The following MCPH1 variants were observed in gnomAD, a reference collection of about 807,000 sequenced individuals.
MCPH1 encodes microcephalin.
A neutral mutation model predicts 84.5 loss-of-function variants in MCPH1; 104 were observed. The observed-to-expected ratio is 1.23, with a 90% CI of 1.05 to 1.45. MCPH1 has a LOEUF of 1.45. MCPH1 is among the 40% of genes most tolerant of loss of function. The pLI, the probability that MCPH1 is intolerant of heterozygous loss-of-function variation, is 0.00. For synonymous variants in MCPH1, 514 were observed against 366.8 expected (o/e 1.40, Z -4.58); for missense variants, 1,498 against 1,005.7 (o/e 1.49, Z -6.62).
chr8:6,438,873 G>A, intron 5 of MCPH1, 80 bp from the exon 6 acceptor site: 3 of 1,336,728 alleles, frequency 2.2e-6, no homozygotes, highest in Non-Finnish European at 3.2e-6. Context: ...GGTGTGGGGG[G>A]TTGTTCTTTA....
At chr8:6,510,090 G>A (rs1814700215) in intron 12 of MCPH1, among the ~76,000 whole-genome samples, 1 of 151,972 alleles carries the variant, frequency 6.6e-6, no homozygotes, top group African/African-American at 2.4e-5. Context: ...GGCTTACATC[G>A]GTCATCTGTG....
Position 6,499,646 on chromosome 8 carries a change from G to C in MCPH1, c.2137-206G>C, listed in dbSNP as rs796850818. The C allele has an allele frequency of 2.8e-5, 15 of 529,006 alleles. No individual in the cohort carries two copies. The African/African-American group carries it at 2.8e-4, about 10-fold the overall frequency. The allele number at this position is 529,006 out of a possible 1,614,324, so 32.8% of individuals were successfully genotyped here. A position where few individuals can be genotyped will look rare whatever the true frequency, so the allele number is the denominator to read the frequency against. ...AATGACTCAGATTTCTTGTTATCGT[G>C]AGACTTTTTCTCAATCAACTTTTTA... On this transcript the variant is annotated intron_variant, in intron 11 of 13. Transcript: ENST00000344683.
intron 12 of MCPH1, among the ~76,000 whole-genome samples, chr8:6,613,857 G>A (rs535705747): frequency 1.3e-5 from 2 of 152,266 alleles, no homozygotes; most frequent in South Asian, 2.1e-4. Context: ...GCTTTTGATC[G>A]CCAAGGGAGA....
At chr8:6,541,290 C>G (rs1821513577) in intron 12 of MCPH1, among the ~76,000 whole-genome samples, 1 of 152,160 alleles carries the variant, frequency 6.6e-6, no homozygotes, top group Non-Finnish European at 1.5e-5. Context: ...AGTCAGTGCC[C>G]ACCCCAAGTC....
rs1053697468 is a variant in MCPH1, at chr8:6,625,325, T to G, written c.2452+3634T>G. On this transcript the variant is annotated intron_variant, in intron 13 of 13. Transcript: ENST00000344683. Reference sequence around the variant, plus strand: ...GCGTAGGCTTCTTAAGTGTGGCAGATTGACGGTATCCATGGATGTGTCCTC... The same window carrying G: ...GCGTAGGCTTCTTAAGTGTGGCAGAGTGACGGTATCCATGGATGTGTCCTC... The G allele has an allele frequency of 3.0e-6, 3 of 985,368 alleles. No homozygotes were observed. In the African/African-American group the frequency reaches 5.2e-5, roughly 17 times the overall value. 61.0% of individuals were successfully genotyped at this position (985,368 alleles called of 1,614,324 possible). A position where few individuals can be genotyped will look rare whatever the true frequency, so the allele number is the denominator to read the frequency against.
At chr8:6,407,421 C>G (rs1391430775) in intron 1 of MCPH1, among the ~76,000 whole-genome samples, 1 of 152,130 alleles carries the variant, frequency 6.6e-6, no homozygotes, top group Non-Finnish European at 1.5e-5. Flanking sequence ...CTAGTCAGTG[C>G]TGACAGGGCC....
rs369120387 is a variant in MCPH1, at chr8:6,445,532, G to C, written c.1810G>C (p.Gly604Arg). 5 of 1,603,498 alleles carry C rather than the reference G, an allele frequency of 3.1e-6. No individual in the cohort carries two copies. Among genetic ancestry groups the C allele is most frequent in the Middle Eastern group, 1.7e-4 (1 of 5,994 alleles). The part of the protein sequence containing the change: ...TSTEEKENLP[G>R]GYSGSVKNRP... Reference sequence around the variant, plus strand: ...TACAGAAGAGAAGGAAAACTTACCCGGAGGATACAGTGGAAGTATGTGAAT... The same window carrying C: ...TACAGAAGAGAAGGAAAACTTACCCCGAGGATACAGTGGAAGTATGTGAAT... The change falls in exon 8 of 14, where the codon GGA becomes CGA. Residue 604 changes from glycine (G) to arginine (R), a missense_variant. Coordinates refer to ENST00000344683, the MANE Select transcript of MCPH1 (RefSeq NM_024596.5).
chr8:6,596,858 A>G (rs1444911257), intron 12 of MCPH1, among the ~76,000 whole-genome samples: 1 of 152,252 alleles, frequency 6.6e-6, no homozygotes, highest in African/African-American at 2.4e-5. Context: ...ACCATGAAAT[A>G]GCTAAGAACC....
intron 12 of MCPH1, among the ~76,000 whole-genome samples, chr8:6,561,973 C>G (rs1418166567): frequency 2.0e-5 from 3 of 152,140 alleles, no homozygotes; most frequent in African/African-American, 7.2e-5. Context: ...GCATTCCGCA[C>G]CGGTTGCTGG....
intron 13 of MCPH1, among the ~76,000 whole-genome samples, chr8:6,633,890 A>G (rs186808233): frequency 8.7e-4 from 133 of 152,312 alleles, no homozygotes; most frequent in Non-Finnish European, 1.7e-3. Flanking sequence ...TGATCAGAAA[A>G]AGAGGAATAA....
In MCPH1 at chr8:6,444,676, T is replaced by C. The variant is rs770723949; in HGVS notation, c.954T>C (p.Ala318=). Residue 318 remains alanine, a synonymous_variant, in exon 8 of 14, where the codon GCT becomes GCC. Transcript: ENST00000344683. Reference sequence around the variant, plus strand: ...TAGTCACCCCTGACCAAAAGCAGGCTGCAGGTATGTCTCAGGAGACGTTTG... The same window carrying C: ...TAGTCACCCCTGACCAAAAGCAGGCCGCAGGTATGTCTCAGGAGACGTTTG... ...GKVVTPDQKQ[A]AGMSQETFEE... is the part of the protein sequence containing the mutation. The C allele has an allele frequency of 1.9e-6, 3 of 1,613,982 alleles. No individual in the cohort carries two copies. The highest frequency in any genetic ancestry group is 2.7e-5 in the African/African-American group (2 of 74,942).
chr8:6,533,553 A>G (rs1819927802), intron 12 of MCPH1, among the ~76,000 whole-genome samples: 1 of 140,522 alleles, frequency 7.1e-6, no homozygotes, highest in African/African-American at 2.6e-5. Context: ...AACTCCAGAT[A>G]CTTAGCGTTT....
At chr8:6,642,060 G>C (rs1318818117) in intron 13 of MCPH1, among the ~76,000 whole-genome samples, 1 of 152,074 alleles carries the variant, frequency 6.6e-6, no homozygotes, top group East Asian at 1.9e-4. Context: ...AATATTTGTA[G>C]ATTAAACCCA....
Position 6,444,942 on chromosome 8 carries a change from G to A in MCPH1, c.1220G>A (p.Cys407Tyr), listed in dbSNP as rs748241298. 20 of 1,614,240 alleles carry A rather than the reference G, an allele frequency of 1.2e-5. No homozygotes were observed. The highest frequency in any genetic ancestry group is 6.8e-6 in the Non-Finnish European group (8 of 1,180,040). ...GGACCTGCCCTGGAGGCTCTTAGCT[G>A]TGGGGAGTCTTCATATGATGACTAT... ...VAGPALEALSCGESSYDDYFS... is the reference protein window; with the variant it reads ...VAGPALEALSYGESSYDDYFS... Residue 407 changes from cysteine to tyrosine, a missense_variant, in exon 8 of 14, where the codon TGT (cysteine) becomes TAT (tyrosine). By Grantham distance (194) the Cys-to-Tyr change is radical (BLOSUM62 -2). Transcript: ENST00000344683.
rs564707907 is a variant in MCPH1, at chr8:6,585,523, A to G, written c.2215-35931A>G. On this transcript the variant is annotated intron_variant, in intron 12 of 13. Coordinates refer to ENST00000344683, the MANE Select transcript of MCPH1 (RefSeq NM_024596.5). ...AAACATGCAGTTGGGCTGCTCTGGC[A>G]GGCTTCTCCAGCCCTCCTCCCAAGG... 5.3e-5 allele frequency among the ~76,000 whole-genome samples: 8 copies of G among 152,364 alleles called. No homozygotes were observed. The East Asian group carries it at 1.5e-3, about 29-fold the overall frequency.
At chr8:6,527,485 A>T in intron 12 of MCPH1, 5 of 1,556,910 alleles carry the variant, frequency 3.2e-6, no homozygotes, top group Non-Finnish European at 4.4e-6. Flanking sequence ...ATAATTCATC[A>T]TTTGAGACCG....
At chr8:6,625,965 G>A (rs1163764504) in intron 13 of MCPH1, 13 of 985,050 alleles carry the variant, frequency 1.3e-5, no homozygotes, top group Non-Finnish European at 1.6e-5. Flanking sequence ...AGTATTCTGT[G>A]GCCAGAGGAG....
intron 12 of MCPH1, chr8:6,500,282 G>C (rs1811897251): frequency 4.4e-6 from 1 of 227,610 alleles, no homozygotes; most frequent in African/African-American, 2.3e-5. Context: ...TAGGTATAAA[G>C]ATTATGGCTT....
intron 11 of MCPH1, among the ~76,000 whole-genome samples, chr8:6,482,367 C>G (rs766479833): frequency 6.6e-5 from 10 of 152,208 alleles, no homozygotes; most frequent in African/African-American, 1.4e-4. Flanking sequence ...GGGTTCAGAA[C>G]TATCCACAGT....
Sources: gnomAD v4.1 joint callset for allele counts (sites outside exome capture counted in the v4.1 genomes callset) on GRCh38, gnomAD v4.1.1 for gene constraint, MANE v1.5 for transcripts, NCBI Gene and HGNC (gene_info 2026-07-23, HGNC 2026-07-21) for gene names.